Variants in S100Z observed in about 807,000 individuals in gnomAD.
S100Z encodes the protein S100 calcium binding protein Z, also known as protein S100-Z.
Under a neutral mutation model 8.5 loss-of-function variants are expected in S100Z, and 11 were observed. That is an observed-to-expected ratio of 1.30 (90% CI 0.82 to 2.15). The LOEUF is 2.15. S100Z is among the 30% of genes most tolerant of loss of function. The probability of loss-of-function intolerance (pLI) is 0.00; values close to 1 mark genes in which losing one functional copy is unlikely to be tolerated. For synonymous variants in S100Z, 34 were observed against 43.8 expected (o/e 0.78, Z 0.89); for missense variants, 126 against 117.9 (o/e 1.07, Z -0.32).
At chr5:76,854,595 C>A (rs1421237597) in intron 1 of S100Z, among the ~76,000 whole-genome samples, 1 of 152,128 alleles carries the variant, frequency 6.6e-6, no homozygotes. Context: ...AGCCTATGCC[C>A]GTTACAGGAG....
the S100Z span, among the ~76,000 whole-genome samples, chr5:76,937,201 C>G: frequency 1.0e-4 from 15 of 150,256 alleles, no homozygotes; most frequent in Non-Finnish European, 1.5e-4. Context: ...CAAAATTAAG[C>G]AACATATCAC....
chr5:76,931,266 C>G, the S100Z span, among the ~76,000 whole-genome samples: 1 of 152,040 alleles, frequency 6.6e-6, no homozygotes, highest in Non-Finnish European at 1.5e-5. Context: ...TGTCACCACA[C>G]CTGGCTAATT....
At chr5:76,940,631 T>C in the S100Z span, among the ~76,000 whole-genome samples, 1 of 152,196 alleles carries the variant, frequency 6.6e-6, no homozygotes, top group Non-Finnish European at 1.5e-5. Flanking sequence ...CAGGCTGATC[T>C]TGAACTCCTG....
At chr5:76,872,215 C>T (rs114352780) in intron 2 of S100Z, among the ~76,000 whole-genome samples, 1,565 of 152,138 alleles carry the variant, frequency 0.01, 23 homozygotes, top group African/African-American at 0.036. Context: ...CCACTGCACT[C>T]CAGTCTGGGT....
chr5:76,886,735 A>T lies in S100Z; in HGVS notation c.*2+8901A>T, dbSNP rs895154105. Among the ~76,000 whole-genome samples the T allele has an allele frequency of 2.6e-5, 4 of 152,174 alleles. No individual in the cohort carries two copies. The South Asian group carries it at 8.3e-4, about 32-fold the overall frequency. ...ATCATTAGTTCTTATAGGTTTTGGG[A>T]TAGGCGGTGGAGTTAGGAGCAATTT... On this transcript the variant is annotated intron_variant, in intron 4 of 4. Coordinates refer to ENST00000317593, the MANE Select transcript of S100Z (RefSeq NM_130772.4).
chr5:76,854,177 C>T (rs1750811447), intron 1 of S100Z, among the ~76,000 whole-genome samples: 1 of 151,904 alleles, frequency 6.6e-6, no homozygotes, highest in Non-Finnish European at 1.5e-5. Context: ...TGAGAATGGA[C>T]TAATACAGAA....
chr5:76,862,940 T>C (rs919295584), intron 1 of S100Z, among the ~76,000 whole-genome samples: 8 of 152,224 alleles, frequency 5.3e-5, no homozygotes, highest in African/African-American at 9.6e-5. Flanking sequence ...TCTGTTCTTT[T>C]GTTGTTTTGT....
chr5:76,876,927 T>G (rs1322770401), intron 3 of S100Z, among the ~76,000 whole-genome samples: 1 of 152,136 alleles, frequency 6.6e-6, no homozygotes, highest in African/African-American at 2.4e-5. Flanking sequence ...GTTCCAACCT[T>G]CGTGAACCTT....
At chr5:76,863,705 A>ATTTT (rs1363288385) in intron 1 of S100Z, among the ~76,000 whole-genome samples, 3 of 151,490 alleles carry the variant, frequency 2.0e-5, no homozygotes, top group Non-Finnish European at 4.4e-5. Flanking sequence ...CACCCAGCTA[A>ATTTT]TTTTTTGTAT....
intron 4 of S100Z, among the ~76,000 whole-genome samples, chr5:76,905,949 C>T (rs1006879143): frequency 6.6e-6 from 1 of 152,158 alleles, no homozygotes; most frequent in African/African-American, 2.4e-5. Context: ...CCACCTCAGC[C>T]TCCTGAGTAG....
Position 76,863,642 on chromosome 5 carries a change from C to G in S100Z, c.-175-6524C>G, listed in dbSNP as rs540373465. On this transcript the variant is annotated intron_variant, in intron 1 of 4. Coordinates refer to ENST00000317593, the MANE Select transcript of S100Z (RefSeq NM_130772.4). Reference sequence around the variant, plus strand: ...CAAGCTCCGCCTCCCGGGTTCACGCCATTCTCCTGCCTCAGCCTCCCAAGT... The same window carrying G: ...CAAGCTCCGCCTCCCGGGTTCACGCGATTCTCCTGCCTCAGCCTCCCAAGT... Among the ~76,000 whole-genome samples, 878 of 152,046 alleles carry G rather than the reference C, an allele frequency of 5.8e-3. 14 individuals carry two copies. The highest frequency in any genetic ancestry group is 0.041 in the Middle Eastern group (12 of 292).
At chr5:76,934,226 G>A in the S100Z span, among the ~76,000 whole-genome samples, 4 of 152,166 alleles carry the variant, frequency 2.6e-5, no homozygotes, top group East Asian at 7.7e-4. Context: ...GACCATGAGT[G>A]CTTAAAAAAC....
chr5:76,877,967 A>C, intron 4 of S100Z, 133 bp downstream of exon 4: 1 of 503,840 alleles, frequency 2.0e-6, no homozygotes, highest in East Asian at 3.1e-5. Flanking sequence ...ATTAATAATT[A>C]ATTGCTACTA....
At chr5:76,938,228 G>A in the S100Z span, among the ~76,000 whole-genome samples, 1 of 152,186 alleles carries the variant, frequency 6.6e-6, no homozygotes, top group Admixed American at 6.5e-5. Flanking sequence ...CTTTCCTCCT[G>A]GGTATGGGCC....
At chr5:76,915,055 C>T (rs1311437985) in intron 4 of S100Z, among the ~76,000 whole-genome samples, 1 of 152,206 alleles carries the variant, frequency 6.6e-6, no homozygotes, top group Non-Finnish European at 1.5e-5. Flanking sequence ...CCTGCAATCC[C>T]AGCACTTTGG....
chr5:76,931,774 G>A, the S100Z span, among the ~76,000 whole-genome samples: 1 of 151,294 alleles, frequency 6.6e-6, no homozygotes, highest in Middle Eastern at 3.4e-3. Context: ...TCACTTACAG[G>A]AAAGAAAGAA....
the S100Z span, among the ~76,000 whole-genome samples, chr5:76,940,753 A>G: frequency 6.6e-6 from 1 of 152,182 alleles, no homozygotes; most frequent in Non-Finnish European, 1.5e-5. Flanking sequence ...ACTAGAGTCC[A>G]TAGTTTATTC....
At chr5:76,918,374 C>T (rs1199531513) in intron 4 of S100Z, among the ~76,000 whole-genome samples, 1 of 152,076 alleles carries the variant, frequency 6.6e-6, no homozygotes, top group East Asian at 1.9e-4. Flanking sequence ...GCCTGGCTAA[C>T]ATTTGCATTA....
At chr5:76,939,517 C>CTCTTTTTTTT in the S100Z span, among the ~76,000 whole-genome samples, 2 of 139,972 alleles carry the variant, frequency 1.4e-5, no homozygotes, top group East Asian at 4.3e-4. Context: ...TGGTGTTTAA[C>CTCTTTTTTTT]TTTTTTTTTT....
Sources: gnomAD v4.1 joint callset for allele counts (sites outside exome capture counted in the v4.1 genomes callset) on GRCh38, gnomAD v4.1.1 for gene constraint, MANE v1.5 for transcripts, NCBI Gene and HGNC (gene_info 2026-07-23, HGNC 2026-07-21) for gene names.